The following DMC1 variants were observed in gnomAD, a reference collection of about 807,000 sequenced individuals.
DMC1 encodes DNA meiotic recombinase 1.
A neutral mutation model predicts 50.1 loss-of-function variants in DMC1; 27 were observed. That is an observed-to-expected ratio of 0.54 (90% CI 0.40 to 0.74). DMC1 has a LOEUF of 0.74. Among genes scored for constraint, DMC1 ranks in the 30% least tolerant of loss-of-function variants. DMC1 has a pLI of 0.00. For synonymous variants in DMC1, 148 were observed against 136.1 expected (o/e 1.09, Z -0.61); for missense variants, 295 against 420.2 (o/e 0.70, Z 2.60).
At chr22:38,552,432 T>C (rs2090422975) in intron 7 of DMC1, among the ~76,000 whole-genome samples, 1 of 152,130 alleles carries the variant, frequency 6.6e-6, no homozygotes, top group Non-Finnish European at 1.5e-5. Context: ...ATACACCCAT[T>C]CAACTTCTCT....
At chr22:38,524,438 T>C (rs1023466199) in intron 12 of DMC1, among the ~76,000 whole-genome samples, 1 of 151,588 alleles carries the variant, frequency 6.6e-6, no homozygotes, top group Non-Finnish European at 1.5e-5. Context: ...TAAAACAAAA[T>C]AAAATAAAAT....
intron 13 of DMC1, among the ~76,000 whole-genome samples, chr22:38,521,083 A>G (rs2090019740): frequency 6.6e-6 from 1 of 152,174 alleles, no homozygotes; most frequent in South Asian, 2.1e-4. Context: ...GAGAAAGAAT[A>G]TAGGGTATAA....
Position 38,568,554 on chromosome 22 carries a change from C to G in DMC1, c.-33-265G>C, listed in dbSNP as rs1394455511. 1.0e-5 allele frequency: 5 copies of G among 485,684 alleles called. No homozygotes were observed. In the East Asian group the frequency reaches 1.5e-4, roughly 14 times the overall value. The allele number at this position is 485,684 out of a possible 1,614,324, so 30.1% of individuals were successfully genotyped here. On this transcript the variant is annotated intron_variant, in intron 1 of 13. Transcript: ENST00000216024. ...TGCTTATTTAGTTTCTTCTCTTTCC[C>G]CAACAGTGATCACTTATCATCTGGT...
At chr22:38,567,965 G>A (rs1043351378) in intron 2 of DMC1, among the ~76,000 whole-genome samples, 4 of 152,058 alleles carry the variant, frequency 2.6e-5, no homozygotes, top group African/African-American at 9.7e-5. Flanking sequence ...GCTGCTATTC[G>A]GTACCCGTGT....
At chr22:38,559,817 A>C (rs2090507008) in intron 5 of DMC1, among the ~76,000 whole-genome samples, 1 of 152,012 alleles carries the variant, frequency 6.6e-6, no homozygotes, top group Non-Finnish European at 1.5e-5. Context: ...CAGGAGTTCA[A>C]GACCAGCCTG....
At chr22:38,567,690 T>C (rs878945918) in intron 2 of DMC1, 63 bp from the exon 3 acceptor site, 2 of 1,247,554 alleles carry the variant, frequency 1.6e-6, no homozygotes, top group Non-Finnish European at 2.4e-6. Context: ...TTTCACATCT[T>C]TTAAAGAGGT....
intron 7 of DMC1, among the ~76,000 whole-genome samples, chr22:38,551,300 T>C (rs2090408303): frequency 6.6e-6 from 1 of 152,198 alleles, no homozygotes; most frequent in South Asian, 2.1e-4. Flanking sequence ...TATGTTACCT[T>C]TAAATTAATG....
In DMC1 at chr22:38,566,607, CCT is replaced by C. The variant is rs1221835986; in HGVS notation, c.224_225del (p.Glu75GlyfsTer7). 6.2e-7 allele frequency: 1 copy of C among 1,614,202 alleles called. No individual in the cohort carries two copies. The highest frequency in any genetic ancestry group is 1.1e-5 in the South Asian group (1 of 91,084). On this transcript the variant is annotated frameshift_variant, in exon 4 of 14. Coordinates refer to ENST00000216024, the MANE Select transcript of DMC1 (RefSeq NM_007068.4). LOFTEE classifies it high-confidence loss of function. ...LSEAKVDKIK[E>X]AANKLIEPGF... ...TTGCTTACAATTAGTTTGTTCGCTG[CCT>C]CTTTAATCTTGTCTACTTTGGCTTC...
intron 9 of DMC1, 71 bp downstream of exon 9, chr22:38,539,250 A>G: frequency 9.6e-7 from 1 of 1,036,490 alleles, no homozygotes. Context: ...AAAATGTTGT[A>G]TCCCTCAAGT....
At chr22:38,568,443 A>G in intron 1 of DMC1, 154 bp from the exon 2 acceptor site, 1 of 639,722 alleles carries the variant, frequency 1.6e-6, no homozygotes, top group East Asian at 2.8e-5. Flanking sequence ...GACATGTGAC[A>G]TTATTTCTTG....
downstream of DMC1, among the ~76,000 whole-genome samples, chr22:38,518,279 ACTTTTT>A (rs2089990116): frequency 6.6e-6 from 1 of 151,984 alleles, no homozygotes; most frequent in African/African-American, 2.4e-5. Flanking sequence ...GCAGAATTTT[ACTTTTT>A]CTTTAAGGGT....
chr22:38,514,805 C>T (rs9610971), downstream of DMC1, among the ~76,000 whole-genome samples: 37,882 of 151,966 alleles, frequency 0.25, 5,348 homozygotes, highest in East Asian at 0.35. Context: ...CCATCAGTTC[C>T]GGGAATTGCC....
chr22:38,541,934 T>C (rs1480171718), intron 8 of DMC1, among the ~76,000 whole-genome samples: 2 of 151,860 alleles, frequency 1.3e-5, no homozygotes, highest in Non-Finnish European at 2.9e-5. Context: ...CAATGTGATA[T>C]ATCAACAGAA....
chr22:38,551,856 CTTTTTTTTTT>C (rs71761663), intron 7 of DMC1, among the ~76,000 whole-genome samples: 2 of 93,184 alleles, frequency 2.1e-5, no homozygotes, highest in African/African-American at 4.2e-5. Flanking sequence ...GAACTCCTTT[CTTTTTTTTTT>C]TTTTTTTTTT....
chr22:38,553,699 C>G (rs1479847011), intron 6 of DMC1, among the ~76,000 whole-genome samples: 1 of 151,788 alleles, frequency 6.6e-6, no homozygotes, highest in Non-Finnish European at 1.5e-5. Flanking sequence ...TGGCTCATGC[C>G]TGTAATCCTA....
chr22:38,542,263 T>C (rs1363208444), intron 8 of DMC1, among the ~76,000 whole-genome samples: 1 of 151,904 alleles, frequency 6.6e-6, no homozygotes, highest in East Asian at 1.9e-4. Flanking sequence ...GGAAGTCAAA[T>C]TATCCTTGTT....
At chr22:38,534,022 G>C (rs1326190322) in intron 12 of DMC1, among the ~76,000 whole-genome samples, 1 of 152,124 alleles carries the variant, frequency 6.6e-6, no homozygotes. Context: ...CAAAACAGTT[G>C]GTCTGTGTTC....
At chr22:38,553,956 C>CAAAAA (rs35690372) in intron 6 of DMC1, among the ~76,000 whole-genome samples, 1 of 34,748 alleles carries the variant, frequency 2.9e-5, no homozygotes, top group African/African-American at 1.1e-4. Context: ...ACTCCATCTC[C>CAAAAA]AAAAAAAAAA....
At chr22:38,539,458 A>C in intron 8 of DMC1, 46 bp from the exon 9 acceptor site, 2 of 1,459,968 alleles carry the variant, frequency 1.4e-6, no homozygotes. Flanking sequence ...ATTCTAAAAA[A>C]GTTTAGACAA....
Sources: gnomAD v4.1 joint callset for allele counts (sites outside exome capture counted in the v4.1 genomes callset) on GRCh38, gnomAD v4.1.1 for gene constraint, MANE v1.5 for transcripts, NCBI Gene and HGNC (gene_info 2026-07-23, HGNC 2026-07-21) for gene names.